SLC44A5: variants seen among roughly 807,000 people sequenced by gnomAD.
The protein encoded by SLC44A5 is choline transporter-like protein 5.
Under a neutral mutation model 101.8 loss-of-function variants are expected in SLC44A5, and 57 were observed. That is an observed-to-expected ratio of 0.56 (90% CI 0.45 to 0.70). The LOEUF (loss-of-function observed/expected upper bound fraction) is 0.70, where lower values mean the gene tolerates loss of function less well. SLC44A5 is among the 30% of genes least tolerant of loss of function. The pLI, the probability that SLC44A5 is intolerant of heterozygous loss-of-function variation, is 0.00. For synonymous variants in SLC44A5, 281 were observed against 290.9 expected (o/e 0.97, Z 0.35); for missense variants, 737 against 853.1 (o/e 0.86, Z 1.70).
chr1:75,545,751 T>A (rs964244879), intron 1 of SLC44A5, among the ~76,000 whole-genome samples: 1 of 152,178 alleles, frequency 6.6e-6, no homozygotes, highest in African/African-American at 2.4e-5. Context: ...TTATAATGAT[T>A]GCAAAATGTT....
In SLC44A5 at chr1:75,218,815, CT is replaced by C. The variant is rs878924172; in HGVS notation, c.1267-64del. ...AATATCACTCCAAGATAACAACTCC[CT>C]GTGTTTTCCTCTTCCCCTTAATTGC... On this transcript the variant is annotated intron_variant, in intron 16 of 23. Transcript: ENST00000370859. The C allele has an allele frequency of 8.2e-6, 12 of 1,461,774 alleles. No homozygotes were observed. In the South Asian group the frequency reaches 1.6e-4, roughly 19 times the overall value. The allele number at this position is 1,461,774 out of a possible 1,614,324, so 90.6% of individuals were successfully genotyped here.
chr1:75,500,410 GA>G (rs1200678917), intron 2 of SLC44A5, among the ~76,000 whole-genome samples: 1 of 152,068 alleles, frequency 6.6e-6, no homozygotes, highest in Non-Finnish European at 1.5e-5. Context: ...AAAACTGGAA[GA>G]TAAACAAAAG....
At chr1:75,506,752 G>A (rs1010257727) in intron 2 of SLC44A5, among the ~76,000 whole-genome samples, 2 of 151,440 alleles carry the variant, frequency 1.3e-5, no homozygotes, top group African/African-American at 4.9e-5. Context: ...GGGTTTTCTA[G>A]GTATATAATC....
At chr1:75,325,548 T>C (rs945080742) in intron 4 of SLC44A5, among the ~76,000 whole-genome samples, 2 of 152,178 alleles carry the variant, frequency 1.3e-5, no homozygotes, top group Admixed American at 1.3e-4. Context: ...AAGTACAGTA[T>C]AATAAGGTAT....
At chr1:75,482,450 A>C (rs531015605) in intron 2 of SLC44A5, among the ~76,000 whole-genome samples, 1 of 152,060 alleles carries the variant, frequency 6.6e-6, no homozygotes, top group Non-Finnish European at 1.5e-5. Context: ...AAAAAAAAGA[A>C]TTCTACCTAT....
intron 3 of SLC44A5, among the ~76,000 whole-genome samples, chr1:75,357,885 A>G (rs1659197445): frequency 6.6e-6 from 1 of 152,184 alleles, no homozygotes; most frequent in African/African-American, 2.4e-5. Flanking sequence ...TATGTCACAC[A>G]TCACTTCCAG....
chr1:75,608,694 C>T (rs1675471832), intron 1 of SLC44A5, among the ~76,000 whole-genome samples: 1 of 151,852 alleles, frequency 6.6e-6, no homozygotes, highest in East Asian at 1.9e-4. Context: ...TTCTGTTAGT[C>T]AAACATACCA....
intron 2 of SLC44A5, among the ~76,000 whole-genome samples, chr1:75,434,376 T>C (rs372408198): frequency 1.3e-5 from 2 of 152,140 alleles, no homozygotes; most frequent in South Asian, 4.1e-4. Flanking sequence ...TATTAACTGA[T>C]CTCTCTGCCT....
the SLC44A5 span, among the ~76,000 whole-genome samples, chr1:75,672,339 G>A: frequency 2.0e-5 from 3 of 152,070 alleles, no homozygotes; most frequent in Admixed American, 6.6e-5. Context: ...ATTCAGTGCC[G>A]CACTGTCACA....
chr1:75,630,527 T>C, the SLC44A5 span, among the ~76,000 whole-genome samples: 1 of 152,162 alleles, frequency 6.6e-6, no homozygotes, highest in Non-Finnish European at 1.5e-5. Context: ...CAAGTGGTCC[T>C]CTAGAAAAGC....
intron 11 of SLC44A5, among the ~76,000 whole-genome samples, chr1:75,236,619 T>A (rs534642919): frequency 2.6e-5 from 4 of 152,086 alleles, no homozygotes; most frequent in South Asian, 4.2e-4. Context: ...GAAAAAAGAA[T>A]CTGAGAAACA....
chr1:75,476,050 G>T (rs926417485), intron 2 of SLC44A5, among the ~76,000 whole-genome samples: 1 of 152,094 alleles, frequency 6.6e-6, no homozygotes, highest in Admixed American at 6.5e-5. Context: ...GGGAATGGTG[G>T]TGCGCACCTG....
At chr1:75,607,715 T>C (rs2102173145) in intron 1 of SLC44A5, among the ~76,000 whole-genome samples, 1 of 152,100 alleles carries the variant, frequency 6.6e-6, no homozygotes, top group Middle Eastern at 3.4e-3. Flanking sequence ...CTGATGGTTT[T>C]ATAAAGGGGA....
At chr1:75,371,427 A>C (rs1660213885) in intron 3 of SLC44A5, among the ~76,000 whole-genome samples, 2 of 152,232 alleles carry the variant, frequency 1.3e-5, no homozygotes, top group Non-Finnish European at 2.9e-5. Context: ...TCCAACTCAC[A>C]GTAAGTGCTG....
At chr1:75,510,486 G>A (rs1300579309) in intron 2 of SLC44A5, among the ~76,000 whole-genome samples, 1 of 152,092 alleles carries the variant, frequency 6.6e-6, no homozygotes, top group African/African-American at 2.4e-5. Context: ...GAGAGAGAAA[G>A]AGACATGAGA....
At position 75,364,864 on chromosome 1, in the gene SLC44A5, G is replaced by C. The variant is rs541930064; in HGVS notation, c.53-25234C>G. ...TTCTTTATTATGATTTAGGAAGCCT[G>C]CTACTGAAGTTTTCTACTAAATATT... On this transcript the variant is annotated intron_variant, in intron 3 of 23. Coordinates refer to ENST00000370859, the MANE Select transcript of SLC44A5 (RefSeq NM_001130058.2). Among the ~76,000 whole-genome samples, 5 of 152,088 alleles carry C rather than the reference G, an allele frequency of 3.3e-5. No individual in the cohort carries two copies. In the East Asian group the frequency reaches 5.8e-4, roughly 18 times the overall value.
rs145505969 is a variant in SLC44A5 at position 75,544,374 on chromosome 1, T to C, written c.-69-2858A>G. Among the ~76,000 whole-genome samples, 64 of 152,328 alleles carry C rather than the reference T, an allele frequency of 4.2e-4. No homozygotes were observed. The East Asian group carries it at 0.01, about 25-fold the overall frequency. ...TTATTATAAATTACCCAATCTGTGG[T>C]ATTCTGTTACAGCAGCACAAAACAG... On this transcript the variant is annotated intron_variant, in intron 1 of 23. Coordinates refer to ENST00000370859, the MANE Select transcript of SLC44A5 (RefSeq NM_001130058.2).
intron 18 of SLC44A5, among the ~76,000 whole-genome samples, chr1:75,216,892 C>T (rs2202473): frequency 0.34 from 51,589 of 151,806 alleles, 9,571 homozygotes; most frequent in Non-Finnish European, 0.43. Context: ...TATTTTCTTC[C>T]ATCATGTGGG....
At chr1:75,286,164 A>G (rs1033114116) in intron 5 of SLC44A5, among the ~76,000 whole-genome samples, 4 of 152,120 alleles carry the variant, frequency 2.6e-5, no homozygotes, top group Non-Finnish European at 5.9e-5. Context: ...AGTTAGGTGC[A>G]TACATATTTA....
Sources: allele counts gnomAD v4.1 joint callset (sites outside exome capture counted in the v4.1 genomes callset), GRCh38; gene constraint gnomAD v4.1.1; transcripts MANE v1.5; gene names NCBI Gene and HGNC (gene_info 2026-07-23, HGNC 2026-07-21).